RRAS2: variants seen among roughly 807,000 people sequenced by gnomAD.
RRAS2 encodes the protein ras-related protein R-Ras2.
In RRAS2, 7 loss-of-function variants were observed where a neutral mutation model predicts 27.6. The ratio of observed to expected loss-of-function variants is 0.25; its 90% CI spans 0.14 to 0.48. RRAS2 has a LOEUF of 0.48. Among genes scored for constraint, RRAS2 ranks in the 20% least tolerant of loss-of-function variants. The pLI, the probability that RRAS2 is intolerant of heterozygous loss-of-function variation, is 0.99. For synonymous variants in RRAS2, 86 were observed against 90.9 expected, an observed-to-expected ratio of 0.95 and a Z score of 0.31; for missense variants, 178 against 256.2, an observed-to-expected ratio of 0.69 and a Z score of 2.08.
intron 1 of RRAS2, among the ~76,000 whole-genome samples, chr11:14,328,265 C>G (rs1003104190): frequency 6.8e-6 from 1 of 147,886 alleles, no homozygotes; most frequent in African/African-American, 2.5e-5. Context: ...ACTCGGGAGG[C>G]TGAGGCAGGA....
Position 14,294,776 on chromosome 11 carries a change from C to T in RRAS2, c.283G>A (p.Val95Ile), listed in dbSNP as rs1306675531. 5 of 1,613,584 alleles carry T rather than the reference C, an allele frequency of 3.1e-6. No individual in the cohort carries two copies. The highest frequency in any genetic ancestry group is 3.4e-6 in the Non-Finnish European group (4 of 1,179,822). ...GGTACAAACCTGCCTCTATCTGTGA[C>T]TGAAAAGACCAACAGGAAGCCTTCG... ...TGEGFLLVFSVTDRGSFEEIY... is the reference protein window; with the variant it reads ...TGEGFLLVFSITDRGSFEEIY... Residue 95 changes from valine (V) to isoleucine (I), a missense_variant, in exon 3 of 6, where the codon GTC becomes ATC. Physicochemically the swap from Val to Ile is conservative, Grantham distance 29. Transcript: ENST00000256196.
intron 1 of RRAS2, 72 bp from the exon 2 acceptor site, chr11:14,295,927 C>T (rs1322147996): frequency 1.4e-6 from 2 of 1,394,746 alleles, no homozygotes; most frequent in African/African-American, 2.9e-5. Flanking sequence ...TAATCCTATG[C>T]TCTGGGAGGC....
intron 4 of RRAS2, among the ~76,000 whole-genome samples, chr11:14,286,681 C>T (rs1447620597): frequency 6.6e-6 from 1 of 152,220 alleles, no homozygotes; most frequent in Non-Finnish European, 1.5e-5. Context: ...CCAACAACTA[C>T]TTCATAACTG....
intron 1 of RRAS2, among the ~76,000 whole-genome samples, chr11:14,319,345 CTT>C (rs1156654694): frequency 3.7e-3 from 337 of 91,488 alleles, no homozygotes; most frequent in Middle Eastern, 0.011. Flanking sequence ...TTCCCTCTGT[CTT>C]TTTTTTTTTT....
intron 1 of RRAS2, among the ~76,000 whole-genome samples, chr11:14,301,338 C>T (rs1847698000): frequency 6.6e-6 from 1 of 152,136 alleles, no homozygotes; most frequent in Admixed American, 6.5e-5. Context: ...GAGCTTTCAC[C>T]TCATTCTACT....
chr11:14,364,266 G>A lies in RRAS2; in HGVS notation c.-124+125C>T, dbSNP rs1591498216. ...CCCATCCCAGAGACAGGATCTGAGG[G>A]TAGAGTGGAGAGGGAGATGCTAGAA... On this transcript the variant is annotated intron_variant, in intron 1 of 5. Coordinates refer to the RRAS2 transcript ENST00000529237. 9.0e-6 allele frequency: 8 copies of A among 884,420 alleles called. No individual in the cohort carries two copies. In the South Asian group the frequency reaches 1.2e-4, roughly 13 times the overall value. 54.8% of individuals were successfully genotyped at this position (884,420 alleles called of 1,614,324 possible). A position where few individuals can be genotyped will look rare whatever the true frequency, so the allele number is the denominator to read the frequency against.
intron 4 of RRAS2, among the ~76,000 whole-genome samples, 178 bp downstream of exon 4, chr11:14,294,293 T>C (rs1474047075): frequency 6.6e-6 from 1 of 152,230 alleles, no homozygotes; most frequent in East Asian, 1.9e-4. Flanking sequence ...ACTTCCTTTT[T>C]ATTTTTCACC....
intron 1 of RRAS2, among the ~76,000 whole-genome samples, chr11:14,352,756 T>TAGAGAG (rs370730897): frequency 1.3e-4 from 17 of 128,678 alleles, no homozygotes; most frequent in Non-Finnish European, 1.7e-4. Context: ...TATATATATA[T>TAGAGAG]AGAGAGAGAG....
chr11:14,350,064 C>T (rs1848918090), intron 1 of RRAS2, among the ~76,000 whole-genome samples: 1 of 152,226 alleles, frequency 6.6e-6, no homozygotes, highest in Non-Finnish European at 1.5e-5. Flanking sequence ...ATCTTATCAA[C>T]CTCCAATTTA....
At chr11:14,302,073 T>TATACACAC (rs1729319676) in intron 1 of RRAS2, among the ~76,000 whole-genome samples, 1 of 142,362 alleles carries the variant, frequency 7.0e-6, no homozygotes, top group African/African-American at 2.6e-5. Flanking sequence ...ACCACACACA[T>TATACACAC]ACACACACAC....
chr11:14,336,518 G>C (rs1157904011), intron 1 of RRAS2, among the ~76,000 whole-genome samples: 1 of 152,056 alleles, frequency 6.6e-6, no homozygotes, highest in Non-Finnish European at 1.5e-5. Context: ...GCAAAGAAAT[G>C]AAAGTCTCAG....
intron 1 of RRAS2, among the ~76,000 whole-genome samples, chr11:14,312,179 T>C (rs1847986034): frequency 6.6e-6 from 1 of 152,138 alleles, no homozygotes; most frequent in Admixed American, 6.5e-5. Flanking sequence ...AAACTCTTAA[T>C]AGCCTAAATA....
At chr11:14,321,973 C>G (rs1218349915) in intron 1 of RRAS2, among the ~76,000 whole-genome samples, 2 of 152,080 alleles carry the variant, frequency 1.3e-5, no homozygotes, top group Non-Finnish European at 2.9e-5. Flanking sequence ...TCCCATCTAC[C>G]TAGCTATAAT....
Position 14,284,053 on chromosome 11 carries a change from CTTA to C in RRAS2, c.409-2336_409-2334del, listed in dbSNP as rs561313851. Among the ~76,000 whole-genome samples the C allele has an allele frequency of 1.2e-4, 18 of 152,160 alleles. No homozygotes were observed. The South Asian group carries it at 3.7e-3, about 32-fold the overall frequency. On this transcript the variant is annotated intron_variant, in intron 4 of 5. Coordinates refer to ENST00000256196, the MANE Select transcript of RRAS2 (RefSeq NM_012250.6). ...TTTCCATTTCATTGGTCTTCATTCT[CTTA>C]TTATTTCCCTTCTACTTACTATGGG...
At chr11:14,356,487 A>G (rs1202026100) in intron 1 of RRAS2, among the ~76,000 whole-genome samples, 1 of 152,182 alleles carries the variant, frequency 6.6e-6, no homozygotes, top group Non-Finnish European at 1.5e-5. Context: ...CAATGCTACC[A>G]TCTTTGTCAT....
intron 1 of RRAS2, among the ~76,000 whole-genome samples, chr11:14,325,837 G>C (rs1423897234): frequency 6.6e-6 from 1 of 152,000 alleles, no homozygotes; most frequent in Non-Finnish European, 1.5e-5. Context: ...TTCTAAAAGG[G>C]GTGTCTTCTT....
chr11:14,295,268 G>C (rs1347395279), intron 2 of RRAS2, among the ~76,000 whole-genome samples: 1 of 152,158 alleles, frequency 6.6e-6, no homozygotes, highest in Non-Finnish European at 1.5e-5. Flanking sequence ...ACCATACTTA[G>C]TGCAGGTGCT....
chr11:14,305,842 C>T (rs1166605803), intron 1 of RRAS2, among the ~76,000 whole-genome samples: 2 of 151,890 alleles, frequency 1.3e-5, no homozygotes, highest in Non-Finnish European at 2.9e-5. Context: ...CCCAGGAATT[C>T]GAGACCAGCT....
chr11:14,296,493 T>G (rs1032243197), intron 1 of RRAS2, among the ~76,000 whole-genome samples: 1 of 152,094 alleles, frequency 6.6e-6, no homozygotes, highest in Non-Finnish European at 1.5e-5. Context: ...TCTAGAAAAA[T>G]TAGAAAACAC....
Sources: gnomAD v4.1 joint callset for allele counts (sites outside exome capture counted in the v4.1 genomes callset) on GRCh38, gnomAD v4.1.1 for gene constraint, MANE v1.5 for transcripts, NCBI Gene and HGNC (gene_info 2026-07-23, HGNC 2026-07-21) for gene names.